Variants in NREP observed in about 807,000 individuals in gnomAD.
NREP encodes neuronal regeneration related protein.
NREP carries 5 observed loss-of-function variants against 8.6 expected under a neutral mutation model. The ratio of observed to expected loss-of-function variants is 0.58; its 90% confidence interval spans 0.30 to 1.22. The LOEUF (loss-of-function observed/expected upper bound fraction) is 1.22. NREP is among the 50% of genes most tolerant of loss of function. NREP has a pLI of 0.07. For missense variants in NREP, 86 were observed against 82.5 expected (o/e 1.04, Z -0.17); for synonymous variants, 27 against 28.0 (o/e 0.96, Z 0.11).
intron 2 of NREP, among the ~76,000 whole-genome samples, chr5:111,863,550 C>T (rs971557859): frequency 2.0e-5 from 3 of 151,906 alleles, no homozygotes; most frequent in African/African-American, 7.3e-5. Context: ...CAGGACCAAG[C>T]CTTAAGAAAC....
chr5:111,809,472 T>C (rs1295663863), intron 2 of NREP, among the ~76,000 whole-genome samples: 1 of 152,202 alleles, frequency 6.6e-6, no homozygotes, highest in East Asian at 1.9e-4. Flanking sequence ...TGGGGACAGA[T>C]TCCTCATGAA....
chr5:111,791,143 T>A (rs564054226), intron 2 of NREP, among the ~76,000 whole-genome samples: 4 of 152,336 alleles, frequency 2.6e-5, no homozygotes, highest in African/African-American at 9.6e-5. Context: ...GATGTTTTGA[T>A]ATATGTATGC....
chr5:111,736,535 G>T (rs1308673651), intron 2 of NREP, among the ~76,000 whole-genome samples: 1 of 152,102 alleles, frequency 6.6e-6, no homozygotes, highest in Non-Finnish European at 1.5e-5. Context: ...TTTACATTTT[G>T]GTTTTGGAAG....
chr5:111,913,330 T>A (rs1754965904), intron 2 of NREP, among the ~76,000 whole-genome samples: 1 of 152,074 alleles, frequency 6.6e-6, no homozygotes, highest in Non-Finnish European at 1.5e-5. Context: ...TTTTCAGGTG[T>A]TTTTCAGGAG....
At chr5:111,770,719 G>A (rs759304166) in intron 2 of NREP, among the ~76,000 whole-genome samples, 2 of 151,552 alleles carry the variant, frequency 1.3e-5, no homozygotes, top group Middle Eastern at 3.2e-3. Flanking sequence ...ACACATGCGC[G>A]CCACCATGCC....
intron 2 of NREP, among the ~76,000 whole-genome samples, chr5:111,850,153 C>T (rs1581164686): frequency 6.6e-6 from 1 of 152,184 alleles, no homozygotes; most frequent in African/African-American, 2.4e-5. Context: ...CTCTCTACAG[C>T]TTATAATCTA....
At chr5:111,865,812 A>G (rs930229964) in intron 2 of NREP, among the ~76,000 whole-genome samples, 23 of 152,270 alleles carry the variant, frequency 1.5e-4, no homozygotes, top group Admixed American at 2.6e-4. Context: ...TTAAAAGTTC[A>G]CTTAGACAAT....
In NREP at chr5:111,757,189, A is replaced by C. The variant is rs993179043; in HGVS notation, c.-112T>G. 1.0e-6 allele frequency: 1 copy of C among 964,188 alleles called. No homozygotes were observed. Among genetic ancestry groups the C allele is most frequent in the Non-Finnish European group, 1.2e-6 (1 of 824,632 alleles). 59.7% of individuals were successfully genotyped at this position (964,188 alleles called of 1,614,324 possible). The stretch of plus-strand genomic sequence containing the variant: ...TCTCTCCTCTCTACACCTGAAACAC[A>C]AATGTGGTTGAAAAAGGGCAACATG... On this transcript the variant is annotated 5_prime_UTR_variant, in exon 1 of 4. Coordinates refer to ENST00000257435, the MANE Select transcript of NREP (RefSeq NM_004772.4).
intron 2 of NREP, among the ~76,000 whole-genome samples, chr5:111,947,448 C>A (rs73225635): frequency 6.6e-6 from 1 of 151,698 alleles, no homozygotes; most frequent in Non-Finnish European, 1.5e-5. Flanking sequence ...AAAAAGAGTT[C>A]ATGTTTTTAC....
At chr5:111,757,874 G>A (rs1429200827), upstream of NREP, 1 of 980,564 alleles carries the variant, frequency 1.0e-6, no homozygotes, top group Non-Finnish European at 1.2e-6. Context: ...AGGCGGCCAG[G>A]GTGCTGCACA....
intron 2 of NREP, among the ~76,000 whole-genome samples, chr5:111,775,775 C>T (rs1054952474): frequency 3.3e-5 from 5 of 152,004 alleles, no homozygotes; most frequent in Non-Finnish European, 1.5e-5. Context: ...AGACAAACAA[C>T]AATTTGGGGG....
At chr5:111,741,544 G>A (rs1749662964) in intron 2 of NREP, among the ~76,000 whole-genome samples, 1 of 152,064 alleles carries the variant, frequency 6.6e-6, no homozygotes, top group African/African-American at 2.4e-5. Flanking sequence ...AAGATTAGAT[G>A]GTGCCAAAAG....
chr5:111,820,461 T>C (rs747712961), intron 2 of NREP, among the ~76,000 whole-genome samples: 7 of 152,144 alleles, frequency 4.6e-5, no homozygotes, highest in Non-Finnish European at 1.0e-4. Context: ...TATATATACA[T>C]ATAGTATGAT....
At chr5:111,893,275 A>C (rs1754435170) in intron 2 of NREP, among the ~76,000 whole-genome samples, 1 of 152,196 alleles carries the variant, frequency 6.6e-6, no homozygotes, top group Non-Finnish European at 1.5e-5. Context: ...TAACACAAAA[A>C]CATTAACTTG....
intron 2 of NREP, among the ~76,000 whole-genome samples, chr5:111,916,594 T>G (rs1237950841): frequency 1.3e-5 from 2 of 152,146 alleles, no homozygotes; most frequent in East Asian, 1.9e-4. Context: ...GTTTAGACTC[T>G]GGGGTGAGAT....
At chr5:111,962,130 G>T (rs1756497392) in intron 2 of NREP, among the ~76,000 whole-genome samples, 1 of 152,166 alleles carries the variant, frequency 6.6e-6, no homozygotes, top group African/African-American at 2.4e-5. Context: ...AAATAGTTCA[G>T]TTCCAGTACC....
At chr5:111,819,903 G>A (rs891308952) in intron 2 of NREP, among the ~76,000 whole-genome samples, 1 of 152,110 alleles carries the variant, frequency 6.6e-6, no homozygotes, top group Non-Finnish European at 1.5e-5. Context: ...GATTTTAAGA[G>A]AGCTTATTAA....
intron 2 of NREP, among the ~76,000 whole-genome samples, chr5:111,875,658 A>G (rs1416268146): frequency 6.6e-6 from 1 of 152,224 alleles, no homozygotes; most frequent in Admixed American, 6.5e-5. Flanking sequence ...AAGCTAACCT[A>G]GCTCATCCCT....
chr5:111,882,081 A>G (rs1046451076), intron 2 of NREP, among the ~76,000 whole-genome samples: 2 of 152,200 alleles, frequency 1.3e-5, no homozygotes, highest in African/African-American at 4.8e-5. Context: ...CAAAACTTTG[A>G]AAAAAATGTA....
Sources: gnomAD v4.1 joint callset for allele counts (sites outside exome capture counted in the v4.1 genomes callset) on GRCh38, gnomAD v4.1.1 for gene constraint, MANE v1.5 for transcripts, NCBI Gene and HGNC (gene_info 2026-07-23, HGNC 2026-07-21) for gene names.